IL15RA: variants seen among roughly 807,000 people sequenced by gnomAD.
The protein encoded by IL15RA is interleukin-15 receptor subunit alpha.
In IL15RA, 26 loss-of-function variants were observed where a neutral mutation model predicts 24.2. The ratio of observed to expected loss-of-function variants is 1.07; its 90% CI spans 0.79 to 1.49. The LOEUF (loss-of-function observed/expected upper bound fraction) is 1.49, where lower values mean the gene tolerates loss of function less well. Ranked by LOEUF, IL15RA falls within the 40% of genes most tolerant of loss-of-function variation. The probability of loss-of-function intolerance (pLI) is 0.00; values close to 1 mark genes in which losing one functional copy is unlikely to be tolerated. For missense variants in IL15RA, 354 were observed against 356.4 expected, an observed-to-expected ratio of 0.99 and a Z score of 0.05; for synonymous variants, 166 against 157.6, an observed-to-expected ratio of 1.05 and a Z score of -0.40.
chr10:5,977,876 A>G (rs1838703988), upstream of IL15RA: 1 of 360,908 alleles, frequency 2.8e-6, no homozygotes, highest in African/African-American at 2.1e-5. Flanking sequence ...GAGAGTGGGC[A>G]AAGTCATCGG....
At chr10:5,972,038 T>C (rs543029389) in intron 1 of IL15RA, among the ~76,000 whole-genome samples, 1 of 152,368 alleles carries the variant, frequency 6.6e-6, no homozygotes, top group Admixed American at 6.5e-5. Flanking sequence ...TCTCCTGCAT[T>C]GACACCGCCT....
At position 5,967,218 on chromosome 10, in the gene IL15RA, T is replaced by G. The variant is rs1373771556; in HGVS notation, c.89-879A>C. ...CTTGCCTTACCTTGCCTTGCCTTTC[T>G]TTTTTGAGACGGAGTTTCACTCTGT... On this transcript the variant is annotated intron_variant, in intron 1 of 6. Coordinates refer to ENST00000379977, the MANE Select transcript of IL15RA (RefSeq NM_002189.4). The surrounding 1 kb of genome is among the most constrained non-coding windows in gnomAD (Gnocchi z 4.4). Among the ~76,000 whole-genome samples, 1 of 152,128 alleles carries G rather than the reference T, an allele frequency of 6.6e-6. No individual in the cohort carries two copies. The highest frequency in any genetic ancestry group is 1.5e-5 in the Non-Finnish European group (1 of 67,994).
Position 5,960,424 on chromosome 10 carries a change from A to T in IL15RA, c.526T>A (p.Ser176Thr). The T allele has an allele frequency of 6.2e-7, 1 of 1,613,458 alleles. No homozygotes were observed. The highest frequency in any genetic ancestry group is 1.1e-5 in the South Asian group (1 of 90,964). Residue 176 changes from serine to threonine, a missense_variant, in exon 4 of 7, where the codon TCT becomes ACT. Ser to Thr is a moderately conservative substitution (Grantham distance 58, BLOSUM62 1). Transcript: ENST00000379977. This position sits in a 1 kb window ranked among gnomAD's most constrained non-coding sequence, Gnocchi z 5.1. ...SSHESSHGTPSQTTAKNWELT... is the reference protein window; with the variant it reads ...SSHESSHGTPTQTTAKNWELT... Reference sequence around the variant, plus strand: ...TCCCAGTTCTTGGCTGTTGTCTGAGAGGGGGTGCCGTGGGAGGACTCATGA... The same window carrying T: ...TCCCAGTTCTTGGCTGTTGTCTGAGTGGGGGTGCCGTGGGAGGACTCATGA...
rs1373743242 is a variant in IL15RA, at chr10:5,975,108, G to A, written c.88+2297C>T. Among the ~76,000 whole-genome samples, 1 of 151,808 alleles carries A rather than the reference G, an allele frequency of 6.6e-6. No homozygotes were observed. The highest frequency in any genetic ancestry group is 1.5e-5 in the Non-Finnish European group (1 of 67,972). On this transcript the variant is annotated intron_variant, in intron 1 of 6. Coordinates refer to ENST00000379977, the MANE Select transcript of IL15RA (RefSeq NM_002189.4). This position sits in a 1 kb window ranked among gnomAD's most constrained non-coding sequence, Gnocchi z 4.8. ...CTACCCATGAGAAATGAAAACATGTGTCCATACAGAAACCTGTATGTCAGT... is the reference window on the plus strand; with the variant it reads ...CTACCCATGAGAAATGAAAACATGTATCCATACAGAAACCTGTATGTCAGT...
At chr10:5,951,377 A>G (rs7923984), downstream of IL15RA, among the ~76,000 whole-genome samples, 9,530 of 152,146 alleles carry the variant, frequency 0.063, 510 homozygotes, top group African/African-American at 0.15. Context: ...ATGTCTGATG[A>G]CATGTGGATT....
In IL15RA at chr10:5,964,715, G is replaced by A. The variant is rs1249404594; in HGVS notation, c.284-874C>T. Among the ~76,000 whole-genome samples, 3 of 152,102 alleles carry A rather than the reference G, an allele frequency of 2.0e-5. No individual in the cohort carries two copies. The highest frequency in any genetic ancestry group is 4.8e-5 in the African/African-American group (2 of 41,420). The stretch of plus-strand genomic sequence containing the variant: ...ATTTGCCCAAAGGACATGGAGTGTC[G>A]AGGAGACCTGACTTGCCCTGCAGTG... On this transcript the variant is annotated intron_variant, in intron 2 of 6. Coordinates refer to ENST00000379977, the MANE Select transcript of IL15RA (RefSeq NM_002189.4). This position sits in a 1 kb window ranked among gnomAD's most constrained non-coding sequence, Gnocchi z 5.6.
Position 5,968,784 on chromosome 10 carries a change from T to C in IL15RA, c.89-2445A>G, listed in dbSNP as rs1371346412. The C allele has an allele frequency of 2.8e-6, 2 of 706,832 alleles. No individual in the cohort carries two copies. Among genetic ancestry groups the C allele is most frequent in the Non-Finnish European group, 5.1e-6 (2 of 388,890 alleles). The allele number at this position is 706,832 out of a possible 1,614,324, so 43.8% of individuals were successfully genotyped here. On this transcript the variant is annotated intron_variant, in intron 1 of 6. Transcript: ENST00000379977. This position sits in a 1 kb window ranked among gnomAD's most constrained non-coding sequence, Gnocchi z 5.4. ...ATAGATGGCTGTGCTACCTGCTTGC[T>C]GCCTGCTTGTCCGATGGTGGTGGCA...
intron 1 of IL15RA, 46 bp downstream of exon 1, chr10:5,977,358 GC>G: frequency 1.1e-6 from 1 of 942,270 alleles, no homozygotes; most frequent in Non-Finnish European, 1.4e-6. Flanking sequence ...CCACGTCCCG[GC>G]CCCCTTCCAA....
rs1382692467 is a variant in IL15RA, at chr10:5,963,498, TG to T, written c.382+244del. On this transcript the variant is annotated intron_variant, in intron 3 of 6. Coordinates refer to ENST00000379977, the MANE Select transcript of IL15RA (RefSeq NM_002189.4). The surrounding 1 kb of genome is among the most constrained non-coding windows in gnomAD (Gnocchi z 5.3). ...TAAGTGTCTACAACTAAATTTGATA[TG>T]ACATATTAGTGAGTTTTAAACCACT... Among the ~76,000 whole-genome samples the T allele has an allele frequency of 9.8e-5, 15 of 152,368 alleles. No individual in the cohort carries two copies. The highest frequency in any genetic ancestry group is 1.9e-4 in the Non-Finnish European group (13 of 68,036).
At chr10:5,954,444 G>A (rs1834241839) in intron 6 of IL15RA, among the ~76,000 whole-genome samples, 1 of 151,172 alleles carries the variant, frequency 6.6e-6, no homozygotes, top group Non-Finnish European at 1.5e-5. Context: ...TTTACTTTTT[G>A]AGCTTTTTAA....
rs1397345002 is a variant in IL15RA at position 5,967,001 on chromosome 10, G to A, written c.89-662C>T. Among the ~76,000 whole-genome samples the A allele has an allele frequency of 1.3e-5, 2 of 151,828 alleles. No homozygotes were observed. The highest frequency in any genetic ancestry group is 2.0e-4 in the East Asian group (1 of 5,126). ...TAACCTCAAATGATCTGCCCGCCTC[G>A]GCCTCCCAAAGTGCTGGGATTACAG... On this transcript the variant is annotated intron_variant, in intron 1 of 6. Coordinates refer to ENST00000379977, the MANE Select transcript of IL15RA (RefSeq NM_002189.4). This position sits in a 1 kb window ranked among gnomAD's most constrained non-coding sequence, Gnocchi z 4.4.
chr10:5,977,488 G>T lies in IL15RA; in HGVS notation c.5C>A (p.Ala2Asp). 7.4e-7 allele frequency: 1 copy of T among 1,355,402 alleles called. No homozygotes were observed. Among genetic ancestry groups the T allele is most frequent in the Non-Finnish European group, 9.5e-7 (1 of 1,055,636 alleles). The allele number at this position is 1,355,402 out of a possible 1,614,324, so 84.0% of individuals were successfully genotyped here. Residue 2 changes from alanine (A) to aspartate (D), a missense_variant, in exon 1 of 7, where the codon GCC becomes GAC. Physicochemically the swap from Ala to Asp is moderately radical, Grantham distance 126. Coordinates refer to ENST00000379977, the MANE Select transcript of IL15RA (RefSeq NM_002189.4). ...CCGGCAGCCGCGCGCCCGCCGCGGG[G>T]CCATGGCGGCAGCTCCACAGGACAC... The part of the protein sequence containing the change: M[A>D]PRRARGCRTL...
In IL15RA at chr10:5,960,211, G is replaced by A. The variant is rs546013641; in HGVS notation, c.583+156C>T. 6.6e-6 allele frequency among the ~76,000 whole-genome samples: 1 copy of A among 152,300 alleles called. No homozygotes were observed. Among genetic ancestry groups the A allele is most frequent in the East Asian group, 1.9e-4 (1 of 5,184 alleles). The stretch of plus-strand genomic sequence containing the variant: ...AGAAAGCCACGGAGAAAGAGGTCAG[G>A]CCAGGACGCCGTGGCTGGTGGCCGG... On this transcript the variant is annotated intron_variant, in intron 4 of 6. Transcript: ENST00000379977. The surrounding 1 kb of genome is among the most constrained non-coding windows in gnomAD (Gnocchi z 5.1).
At chr10:5,974,958 G>A (rs1838182398) in intron 1 of IL15RA, among the ~76,000 whole-genome samples, 1 of 151,596 alleles carries the variant, frequency 6.6e-6, no homozygotes, top group African/African-American at 2.4e-5. Flanking sequence ...GGTCAAGGCT[G>A]CAGTGAGCTA....
chr10:5,963,741 A>C lies in IL15RA; in HGVS notation c.382+2T>G. ...TCCTCGAGAAGTTTCTGACCTTCCT[A>C]CCTTTTCCAGAAGGGGAGAGGCTCT... On this transcript the variant is annotated splice_donor_variant, in intron 3 of 6. Transcript: ENST00000379977. LOFTEE classifies it high-confidence loss of function. This position sits in a 1 kb window ranked among gnomAD's most constrained non-coding sequence, Gnocchi z 5.3. The C allele has an allele frequency of 6.6e-7, 1 of 1,511,836 alleles. No individual in the cohort carries two copies. The allele number at this position is 1,511,836 out of a possible 1,614,324, so 93.7% of individuals were successfully genotyped here. A position where few individuals can be genotyped will look rare whatever the true frequency, so the allele number is the denominator to read the frequency against.
In IL15RA at chr10:5,977,416, G is replaced by T; in HGVS notation, c.77C>A (p.Pro26Gln). Reference sequence around the variant, plus strand: ...TCCCAGCTCCCTACCCCGCGTCGCCGGCGGCCGGAGCAGCAGCAGCAGTAG... The same window carrying T: ...TCCCAGCTCCCTACCCCGCGTCGCCTGCGGCCGGAGCAGCAGCAGCAGTAG... ...ALLLLLLLRPPATRGITCPPP... is the reference protein window; with the variant it reads ...ALLLLLLLRPQATRGITCPPP... Residue 26 changes from proline to glutamine, a missense_variant, in exon 1 of 7, where the codon CCG becomes CAG. Transcript: ENST00000379977. 7.5e-7 allele frequency: 1 copy of T among 1,339,162 alleles called. No individual in the cohort carries two copies. Among genetic ancestry groups the T allele is most frequent in the Non-Finnish European group, 9.6e-7 (1 of 1,046,638 alleles). 83.0% of individuals were successfully genotyped at this position (1,339,162 alleles called of 1,614,324 possible). A position where few individuals can be genotyped will look rare whatever the true frequency, so the allele number is the denominator to read the frequency against.
Position 5,973,357 on chromosome 10 carries a change from C to A in IL15RA, c.88+4048G>T, listed in dbSNP as rs1444188870. The stretch of plus-strand genomic sequence containing the variant: ...CATATATGAAAGATGTCTTTCACAT[C>A]TTTTGTTAGATTTATCCGTAAGTAT... On this transcript the variant is annotated intron_variant, in intron 1 of 6. Transcript: ENST00000379977. The surrounding 1 kb of genome is among the most constrained non-coding windows in gnomAD (Gnocchi z 4.5). 6.6e-6 allele frequency among the ~76,000 whole-genome samples: 1 copy of A among 152,152 alleles called. No individual in the cohort carries two copies. Among genetic ancestry groups the A allele is most frequent in the Non-Finnish European group, 1.5e-5 (1 of 68,030 alleles).
At position 5,953,520 on chromosome 10, in the gene IL15RA, T is replaced by C. The variant is rs1464760993; in HGVS notation, c.693-314A>G. On this transcript the variant is annotated intron_variant, in intron 6 of 6. Transcript: ENST00000379977. The surrounding 1 kb of genome is among the most constrained non-coding windows in gnomAD (Gnocchi z 5.3). ...AAGTTCAAGACCAACCAGGACAATA[T>C]GATGAGAATAAATCCTCTCCAGGTA... Among the ~76,000 whole-genome samples the C allele has an allele frequency of 6.6e-6, 1 of 152,146 alleles. No homozygotes were observed. Among genetic ancestry groups the C allele is most frequent in the Non-Finnish European group, 1.5e-5 (1 of 68,034 alleles).
At position 5,969,296 on chromosome 10, in the gene IL15RA, A is replaced by T. The variant is rs8177673; in HGVS notation, c.89-2957T>A. ...TTAAAATTTTATAATTAAAATTTTT[A>T]AATTAAATTTTTTAATTTAATTAAA... On this transcript the variant is annotated intron_variant, in intron 1 of 6. Coordinates refer to ENST00000379977, the MANE Select transcript of IL15RA (RefSeq NM_002189.4). Among the ~76,000 whole-genome samples the T allele has an allele frequency of 2.2e-3, 330 of 149,714 alleles. 1 individual carries two copies. The highest frequency in any genetic ancestry group is 3.5e-3 in the Non-Finnish European group (236 of 67,228).
Sources: allele counts gnomAD v4.1 joint callset (sites outside exome capture counted in the v4.1 genomes callset), GRCh38; gene constraint gnomAD v4.1.1; non-coding constraint Gnocchi (gnomAD v3.1); transcripts MANE v1.5; gene names NCBI Gene and HGNC (gene_info 2026-07-23, HGNC 2026-07-21).